The following SYDE2 variants were observed in gnomAD, a reference collection of about 807,000 sequenced individuals.
SYDE2 encodes rho GTPase-activating protein SYDE2.
In SYDE2, 76 loss-of-function variants were observed where a neutral mutation model predicts 91.5. That is an observed-to-expected ratio of 0.83 (90% confidence interval 0.69 to 1.01). The LOEUF is 1.01. Ranked by LOEUF, SYDE2 falls within the 50% of genes least tolerant of loss-of-function variation. The pLI is 0.00. For synonymous variants in SYDE2, 513 were observed against 506.4 expected (o/e 1.01, Z -0.18); for missense variants, 1,364 against 1,367.7 (o/e 1.00, Z 0.04).
intron 5 of SYDE2, among the ~76,000 whole-genome samples, chr1:85,168,056 A>G (rs1657356920): frequency 6.6e-6 from 1 of 151,952 alleles, no homozygotes; most frequent in Non-Finnish European, 1.5e-5. Flanking sequence ...TGGAGGTTGC[A>G]GTGAGCTGAG....
chr1:85,182,134 C>T lies in SYDE2; in HGVS notation c.2508G>A (p.Gln836=), dbSNP rs1452743247. The T allele has an allele frequency of 6.3e-7, 1 of 1,599,874 alleles. No individual in the cohort carries two copies. The highest frequency in any genetic ancestry group is 1.3e-5 in the African/African-American group (1 of 74,306). ...TCTTTTCAATTTCCATAATACATTT[C>T]TGTATCAGAAGGGGCACCATCAGTC... The part of the protein sequence containing the change: ...NIGLMVPLLI[Q]KCIMEIEKRG... Residue 836 remains glutamine, a synonymous_variant, in exon 3 of 7, where the codon CAG becomes CAA. Transcript: ENST00000341460.
chr1:85,175,822 C>T (rs1171562378), intron 4 of SYDE2, among the ~76,000 whole-genome samples: 1 of 152,126 alleles, frequency 6.6e-6, no homozygotes, highest in East Asian at 1.9e-4. Flanking sequence ...AATTATTTTG[C>T]AGACAAATCT....
Position 85,190,347 on chromosome 1 carries a change from G to C in SYDE2, c.1151C>G (p.Ser384Ter), listed in dbSNP as rs765959082. 1.9e-6 allele frequency: 3 copies of C among 1,613,790 alleles called. No individual in the cohort carries two copies. The African/African-American group carries it at 4.0e-5, about 22-fold the overall frequency. Residue 384 changes from serine to a stop codon, truncating the protein, a stop_gained, in exon 2 of 7, where the codon TCA becomes TGA. Transcript: ENST00000341460. LOFTEE classifies it high-confidence loss of function. Reference sequence around the variant, plus strand: ...GGCCTCACCAAAACTCAAGGCACTTGATATACCAAGGTCATCATCCTCAGG... The same window carrying C: ...GGCCTCACCAAAACTCAAGGCACTTCATATACCAAGGTCATCATCCTCAGG... ...PIPEDDDLGI[S>*]SALSFGEADS...
intron 6 of SYDE2, among the ~76,000 whole-genome samples, chr1:85,163,477 AT>A (rs1657150660): frequency 1.4e-5 from 2 of 141,112 alleles, no homozygotes; most frequent in Non-Finnish European, 1.5e-5. Context: ...ATATATATAT[AT>A]ATAACAAAAG....
At chr1:85,172,781 C>A (rs569951395) in intron 4 of SYDE2, among the ~76,000 whole-genome samples, 1 of 152,266 alleles carries the variant, frequency 6.6e-6, no homozygotes, top group South Asian at 2.1e-4. Context: ...AGCTGCTAGA[C>A]CTTGCAGGAC....
At chr1:85,171,438 C>T (rs1048304440) in intron 4 of SYDE2, among the ~76,000 whole-genome samples, 1 of 151,756 alleles carries the variant, frequency 6.6e-6, no homozygotes, top group Non-Finnish European at 1.5e-5. Context: ...GAGGCCAAGT[C>T]GAGGAAAAAT....
rs1468578288 is a variant in SYDE2, at chr1:85,200,622, C to T, written c.375G>A (p.Arg125=). The T allele has an allele frequency of 1.3e-6, 2 of 1,551,668 alleles. No homozygotes were observed. The highest frequency in any genetic ancestry group is 1.7e-6 in the Non-Finnish European group (2 of 1,153,642). Residue 125 remains arginine, a synonymous_variant, in exon 1 of 7, where the codon AGG becomes AGA. Coordinates refer to ENST00000341460, the MANE Select transcript of SYDE2 (RefSeq NM_032184.2). The part of the protein sequence containing the change: ...DWDEPPPRGG[R]MDGWSGDRAR... ...CGCGGTCCCCACTCCAGCCGTCCAT[C>T]CTGCCTCCACGTGGCGGGGGCTCGT...
intron 5 of SYDE2, among the ~76,000 whole-genome samples, chr1:85,167,938 AC>A (rs1323754825): frequency 1.3e-5 from 2 of 151,052 alleles, no homozygotes; most frequent in Non-Finnish European, 2.9e-5. Flanking sequence ...ACATGGTGAA[AC>A]CCCGTCTCTA....
intron 1 of SYDE2, among the ~76,000 whole-genome samples, chr1:85,193,172 T>C (rs817454): frequency 0.98 from 149,611 of 152,338 alleles, 73,521 homozygotes; most frequent in East Asian, 1. Flanking sequence ...AACTGAAAAT[T>C]AAAACATACT....
Position 85,164,750 on chromosome 1 carries a change from A to G in SYDE2, c.2861T>C (p.Leu954Pro). The change falls in exon 6 of 7, where the codon CTA becomes CCA. Residue 954 changes from leucine to proline, a missense_variant. Transcript: ENST00000341460. ...TTTCAAATGATCCAACAACATCTTT[A>G]GGGTTGCCTAAATTAAATTAAATTT... is the stretch of plus-strand genomic sequence containing the variant. ...DCLPEIEKAT[L>P]KMLLDHLKLV... 1 of 1,366,268 alleles carries G rather than the reference A, an allele frequency of 7.3e-7. No individual in the cohort carries two copies. The highest frequency in any genetic ancestry group is 2.1e-5 in the South Asian group (1 of 48,736). The allele number at this position is 1,366,268 out of a possible 1,614,324, so 84.6% of individuals were successfully genotyped here.
At chr1:85,188,766 G>A (rs1557755647) in intron 2 of SYDE2, among the ~76,000 whole-genome samples, 1 of 152,210 alleles carries the variant, frequency 6.6e-6, no homozygotes, top group Non-Finnish European at 1.5e-5. Context: ...CGCCGAGGCT[G>A]CCCTGCAGAG....
downstream of SYDE2, chr1:85,153,007 C>T (rs1285895398): frequency 6.6e-6 from 1 of 152,176 alleles, no homozygotes; most frequent in Non-Finnish European, 1.5e-5. Flanking sequence ...ATTCTCAGAG[C>T]AGGCTGTTCA....
chr1:85,183,757 C>T (rs1254826599), intron 2 of SYDE2, among the ~76,000 whole-genome samples: 1 of 152,132 alleles, frequency 6.6e-6, no homozygotes, highest in Non-Finnish European at 1.5e-5. Context: ...TAGTTTGAAA[C>T]ATTCTAGAGT....
rs1256609809 is a variant in SYDE2 at position 85,157,015 on chromosome 1, G to A, written c.*1735C>T. ...CTTTGACTGTTTACTCAATATATAT[G>A]TTCTCTTGGTATTCTTCTGAATTGT... On this transcript the variant is annotated 3_prime_UTR_variant, in exon 7 of 7. Coordinates refer to ENST00000341460, the MANE Select transcript of SYDE2 (RefSeq NM_032184.2). The A allele has an allele frequency of 6.6e-6, 1 of 151,888 alleles. No homozygotes were observed. The highest frequency in any genetic ancestry group is 2.4e-5 in the African/African-American group (1 of 41,396). The allele number at this position is 151,888 out of a possible 1,614,324, so 9.4% of individuals were successfully genotyped here. A position where few individuals can be genotyped will look rare whatever the true frequency, so the allele number is the denominator to read the frequency against.
rs747587551 is a variant in SYDE2 at position 85,164,532 on chromosome 1, A to C, written c.3079T>G (p.Trp1027Gly). ...IEVLHYLLQL[W>G]PVQRLTVKKS... ...TTTCCATAGAATCATTTACCTGGCC[A>C]GAGTTGGAGTAAGTAATGAAGAACT... The change falls in exon 6 of 7, where the codon TGG (tryptophan) becomes GGG (glycine). Residue 1027 changes from tryptophan to glycine, a missense_variant. Physicochemically the swap from Trp to Gly is radical, Grantham distance 184. Coordinates refer to ENST00000341460, the MANE Select transcript of SYDE2 (RefSeq NM_032184.2). 2.5e-6 allele frequency: 4 copies of C among 1,583,790 alleles called. No homozygotes were observed. The East Asian group carries it at 9.0e-5, about 36-fold the overall frequency.
At chr1:85,168,586 C>T (rs899215574) in intron 5 of SYDE2, among the ~76,000 whole-genome samples, 9 of 151,948 alleles carry the variant, frequency 5.9e-5, no homozygotes, top group African/African-American at 1.9e-4. Flanking sequence ...GAGGAAAAAA[C>T]GAGGGGAGGG....
intron 1 of SYDE2, among the ~76,000 whole-genome samples, chr1:85,195,188 A>G (rs535431187): frequency 1.3e-5 from 2 of 152,096 alleles, no homozygotes; most frequent in African/African-American, 4.8e-5. Context: ...TAGTATCTAG[A>G]GAGACATCTT....
chr1:85,170,292 G>A (rs542852363), intron 4 of SYDE2, among the ~76,000 whole-genome samples: 1 of 151,794 alleles, frequency 6.6e-6, no homozygotes, highest in Non-Finnish European at 1.5e-5. Context: ...GTAGATCAGT[G>A]TCTCACTATA....
chr1:85,186,710 A>G (rs1230801254), intron 2 of SYDE2, among the ~76,000 whole-genome samples: 2 of 151,698 alleles, frequency 1.3e-5, no homozygotes, highest in African/African-American at 2.4e-5. Context: ...AAATAATGCC[A>G]CATATCTACA....
Sources: allele counts gnomAD v4.1 joint callset (sites outside exome capture counted in the v4.1 genomes callset), GRCh38; gene constraint gnomAD v4.1.1; transcripts MANE v1.5; gene names NCBI Gene and HGNC (gene_info 2026-07-23, HGNC 2026-07-21).